The following MYZAP variants were observed in gnomAD, a reference collection of about 807,000 sequenced individuals.
MYZAP encodes the protein GRINL1A complex locus upstream.
Under a neutral mutation model 69.4 loss-of-function variants are expected in MYZAP, and 66 were observed. The ratio of observed to expected loss-of-function variants is 0.95; its 90% CI spans 0.78 to 1.17. MYZAP has a LOEUF of 1.17. Ranked by LOEUF, MYZAP falls within the 50% of genes most tolerant of loss-of-function variation. The pLI, the probability that MYZAP is intolerant of heterozygous loss-of-function variation, is 0.00. For synonymous variants in MYZAP, 256 were observed against 205.9 expected, an observed-to-expected ratio of 1.24 and a Z score of -2.09; for missense variants, 611 against 556.2, an observed-to-expected ratio of 1.10 and a Z score of -0.99.
intron 10 of MYZAP, among the ~76,000 whole-genome samples, chr15:57,652,286 T>C (rs2037766280): frequency 6.6e-6 from 1 of 152,234 alleles, no homozygotes; most frequent in African/African-American, 2.4e-5. Flanking sequence ...TGAGATAATG[T>C]ACCATTTTCT....
At position 57,675,021 on chromosome 15, in the gene MYZAP, C is replaced by T. The variant is rs1991252; in HGVS notation, c.1257C>T (p.Thr419=). The change falls in exon 12 of 13, where the codon ACC becomes ACT. Residue 419 remains threonine (T), a synonymous_variant. Coordinates refer to ENST00000267853, the MANE Select transcript of MYZAP (RefSeq NM_001018100.5). ...LDYLTETQAK[T]EVETREIGVG... ...ATTTAACAGAAACCCAGGCCAAGAC[C>T]GAAGTGGAAACCAGAGAGATAGGAG... is the stretch of plus-strand genomic sequence containing the variant. 36 of 1,613,328 alleles carry T rather than the reference C, an allele frequency of 2.2e-5. No individual in the cohort carries two copies. The African/African-American group carries it at 2.5e-4, about 11-fold the overall frequency.
chr15:57,593,214 A>ACACACACACACACACACAC (rs1172761785), intron 1 of MYZAP, among the ~76,000 whole-genome samples: 2 of 141,342 alleles, frequency 1.4e-5, no homozygotes, highest in Admixed American at 6.9e-5. Context: ...ACACACACAC[A>ACACACACACACACACACAC]CCCCAGAATC....
intron 10 of MYZAP, chr15:57,648,572 A>C (rs1009045294): frequency 1.5e-6 from 1 of 683,558 alleles, no homozygotes; most frequent in Non-Finnish European, 1.8e-6. Flanking sequence ...AGTCTTAAAA[A>C]ATAAGTAGCT....
At chr15:57,598,194 G>C (rs1372168641) in intron 1 of MYZAP, among the ~76,000 whole-genome samples, 3 of 152,136 alleles carry the variant, frequency 2.0e-5, no homozygotes, top group Non-Finnish European at 2.9e-5. Context: ...TGAGACCCAG[G>C]CCCTCATCTC....
At chr15:57,621,203 TTC>T (rs1192864048) in intron 3 of MYZAP, among the ~76,000 whole-genome samples, 1 of 119,020 alleles carries the variant, frequency 8.4e-6, no homozygotes, top group Admixed American at 8.8e-5. Context: ...TTCTTTCTTT[TTC>T]TTTTTTTTTT....
At chr15:57,684,079 C>A (rs1211334227) in intron 12 of MYZAP, among the ~76,000 whole-genome samples, 3 of 152,102 alleles carry the variant, frequency 2.0e-5, no homozygotes, top group Middle Eastern at 6.9e-3. Context: ...CAGGCGTGAG[C>A]CACCACGCTG....
intron 4 of MYZAP, among the ~76,000 whole-genome samples, chr15:57,624,297 G>C (rs1421452028): frequency 2.0e-5 from 3 of 152,196 alleles, no homozygotes; most frequent in Non-Finnish European, 2.9e-5. Context: ...TCATGCATCA[G>C]AGTTCAATTT....
At chr15:57,635,908 A>T (rs61997934) in intron 8 of MYZAP, among the ~76,000 whole-genome samples, 22,290 of 152,034 alleles carry the variant, frequency 0.15, 1,825 homozygotes, top group East Asian at 0.28. Flanking sequence ...TTTTTTTCTG[A>T]TCAGTAAAAA....
intron 10 of MYZAP, among the ~76,000 whole-genome samples, chr15:57,642,545 G>A (rs963708622): frequency 1.3e-5 from 2 of 152,166 alleles, no homozygotes; most frequent in African/African-American, 4.8e-5. Flanking sequence ...GGGTCTGGAA[G>A]CTCGTCTTCA....
At chr15:57,676,626 A>C (rs1274206075) in intron 12 of MYZAP, among the ~76,000 whole-genome samples, 1 of 152,074 alleles carries the variant, frequency 6.6e-6, no homozygotes, top group Non-Finnish European at 1.5e-5. Flanking sequence ...CAAGTGGCCT[A>C]GTCCACTCTA....
In MYZAP at chr15:57,673,743, C is replaced by T. The variant is rs140966286; in HGVS notation, c.1204-1225C>T. On this transcript the variant is annotated intron_variant, in intron 11 of 12. Coordinates refer to ENST00000267853, the MANE Select transcript of MYZAP (RefSeq NM_001018100.5). ...GCTCCTTGGTATCAACCTTTCAGAG[C>T]GGGAGCTACTGAATGTTTAACCCAC... 7.0e-4 allele frequency among the ~76,000 whole-genome samples: 107 copies of T among 152,206 alleles called. 3 individuals are homozygous for T. The highest frequency in any genetic ancestry group is 2.4e-3 in the African/African-American group (100 of 41,530).
At chr15:57,674,197 A>T (rs1413013250) in intron 11 of MYZAP, among the ~76,000 whole-genome samples, 1 of 151,840 alleles carries the variant, frequency 6.6e-6, no homozygotes, top group African/African-American at 2.4e-5. Flanking sequence ...GTCTATTTTC[A>T]TTTCAGTATC....
chr15:57,600,182 G>A (rs2034323389), intron 1 of MYZAP, among the ~76,000 whole-genome samples: 1 of 152,126 alleles, frequency 6.6e-6, no homozygotes, highest in African/African-American at 2.4e-5. Context: ...ATCTTGTAAG[G>A]AAGATGTGTG....
At chr15:57,631,180 AT>A (rs35864215) in intron 6 of MYZAP, among the ~76,000 whole-genome samples, 5,226 of 151,996 alleles carry the variant, frequency 0.034, 129 homozygotes, top group South Asian at 0.089. Flanking sequence ...GATTTAAGTA[AT>A]TTTTTTCAGC....
At position 57,661,464 on chromosome 15, in the gene MYZAP, G is replaced by A. The variant is rs754106755; in HGVS notation, c.1134G>A (p.Lys378=). 1.2e-5 allele frequency: 20 copies of A among 1,607,396 alleles called. No homozygotes were observed. In the Admixed American group the frequency reaches 1.4e-4, roughly 11 times the overall value. The change falls in exon 11 of 13, where the codon AAG becomes AAA. Residue 378 remains lysine (K), a synonymous_variant. Transcript: ENST00000267853. ...KQMVEEIESL[K]KKLQQKQLLI... ...TTTCTTTCTAGATTGAATCATTAAA[G>A]AAAAAGTTGCAACAGAAACAGCTCT...
chr15:57,603,972 C>G (rs1399101939), intron 1 of MYZAP, among the ~76,000 whole-genome samples: 2 of 152,172 alleles, frequency 1.3e-5, no homozygotes, highest in Non-Finnish European at 2.9e-5. Flanking sequence ...GAAATGAGAT[C>G]ATTCTATACA....
At chr15:57,673,407 G>A (rs1595937232) in intron 11 of MYZAP, among the ~76,000 whole-genome samples, 2 of 151,550 alleles carry the variant, frequency 1.3e-5, no homozygotes, top group Non-Finnish European at 1.5e-5. Flanking sequence ...TGCTGGGGAA[G>A]CTCACTGTCT....
rs148411101 is a variant in MYZAP, at chr15:57,662,099, C to T, written c.1203+566C>T. 1.4e-3 allele frequency among the ~76,000 whole-genome samples: 217 copies of T among 152,248 alleles called. 2 individuals carry two copies. The highest frequency in any genetic ancestry group is 4.4e-4 in the Non-Finnish European group (30 of 68,020). On this transcript the variant is annotated intron_variant, in intron 11 of 12. Transcript: ENST00000267853. ...TAATTTTACCTGAAACTTTCAGATG[C>T]TTAGTATTCTTGACTTTCTGGCTTT... is the stretch of plus-strand genomic sequence containing the variant.
intron 4 of MYZAP, among the ~76,000 whole-genome samples, chr15:57,625,088 G>C: frequency 6.7e-6 from 1 of 149,384 alleles, no homozygotes; most frequent in African/African-American, 2.5e-5. Context: ...ACGGAGTTTC[G>C]CTGTTGTCAC....
Sources: allele counts gnomAD v4.1 joint callset (sites outside exome capture counted in the v4.1 genomes callset), GRCh38; gene constraint gnomAD v4.1.1; transcripts MANE v1.5; gene names NCBI Gene and HGNC (gene_info 2026-07-23, HGNC 2026-07-21).